The following TRDMT1 variants were observed in gnomAD, a reference collection of about 807,000 sequenced individuals.
The protein encoded by TRDMT1 is tRNA (cytosine(38)-C(5))-methyltransferase.
In TRDMT1, 49 loss-of-function variants were observed where a neutral mutation model predicts 51.2. That is an observed-to-expected ratio of 0.96 (90% CI 0.76 to 1.21). TRDMT1 has a LOEUF of 1.21. Ranked by LOEUF, TRDMT1 falls within the 50% of genes most tolerant of loss-of-function variation. The pLI is 0.00. For missense variants in TRDMT1, 534 were observed against 462.3 expected (o/e 1.16, Z -1.42); for synonymous variants, 187 against 164.6 (o/e 1.14, Z -1.04).
At chr10:17,151,552 G>C in intron 10 of TRDMT1, 1 of 985,608 alleles carries the variant, frequency 1.0e-6, no homozygotes, top group Non-Finnish European at 1.2e-6. Context: ...GTGCTGCTCA[G>C]TGGTGACATC....
chr10:17,164,091 C>T (rs1434214537), intron 3 of TRDMT1, among the ~76,000 whole-genome samples: 3 of 152,274 alleles, frequency 2.0e-5, no homozygotes, highest in South Asian at 4.1e-4. Context: ...ACCAATATCC[C>T]TGATGAACAT....
chr10:17,197,383 T>C (rs1845594841), intron 1 of TRDMT1, among the ~76,000 whole-genome samples: 1 of 152,078 alleles, frequency 6.6e-6, no homozygotes, highest in Admixed American at 6.5e-5. Context: ...TAGATATAAA[T>C]AAAGTTAAAT....
intron 1 of TRDMT1, among the ~76,000 whole-genome samples, chr10:17,185,509 T>G (rs1588651648): frequency 6.6e-6 from 1 of 152,224 alleles, no homozygotes; most frequent in Non-Finnish European, 1.5e-5. Context: ...GGAGTTGGTG[T>G]GGCGATTCCT....
intron 1 of TRDMT1, among the ~76,000 whole-genome samples, chr10:17,191,161 G>A (rs990079958): frequency 1.3e-5 from 2 of 152,148 alleles, no homozygotes; most frequent in Non-Finnish European, 2.9e-5. Flanking sequence ...AGTGAGCAAG[G>A]GGACAGCCAC....
chr10:17,156,871 T>C (rs999363515), intron 8 of TRDMT1, among the ~76,000 whole-genome samples: 1 of 152,152 alleles, frequency 6.6e-6, no homozygotes, highest in East Asian at 1.9e-4. Flanking sequence ...TAAACTGATA[T>C]CATTGGTCAC....
chr10:17,183,991 T>C (rs1212738788), intron 1 of TRDMT1, among the ~76,000 whole-genome samples: 1 of 151,928 alleles, frequency 6.6e-6, no homozygotes, highest in Non-Finnish European at 1.5e-5. Context: ...TCAACAATAA[T>C]CAAAAGAAAA....
At chr10:17,183,734 T>C (rs570610797) in intron 1 of TRDMT1, among the ~76,000 whole-genome samples, 1 of 151,032 alleles carries the variant, frequency 6.6e-6, no homozygotes, top group East Asian at 1.9e-4. Context: ...ACTATTTTTA[T>C]AATTGGCAAA....
chr10:17,153,830 A>G (rs1318238273), intron 9 of TRDMT1, among the ~76,000 whole-genome samples, 194 bp from the exon 10 acceptor site: 2 of 152,226 alleles, frequency 1.3e-5, no homozygotes, highest in African/African-American at 4.8e-5. Flanking sequence ...TTGAAAAGAA[A>G]AAAAGGTTAA....
rs762525300 is a variant in TRDMT1 at position 17,157,629 on chromosome 10, T to A, written c.699A>T (p.Glu233Asp). The A allele has an allele frequency of 6.2e-7, 1 of 1,613,722 alleles. No individual in the cohort carries two copies. Among genetic ancestry groups the A allele is most frequent in the South Asian group, 1.1e-5 (1 of 91,070 alleles). ...TTTTCCTGTGAATTTCTTCTGCAGT[T>A]TCAAGCTTAAAAAGAATGGCATCTT... ...SGKDAILFKLETAEEIHRKNQ... is the reference protein window; with the variant it reads ...SGKDAILFKLDTAEEIHRKNQ... Residue 233 changes from glutamate to aspartate, a missense_variant, in exon 8 of 11, where the codon GAA (glutamate) becomes GAT (aspartate). Coordinates refer to ENST00000377799, the MANE Select transcript of TRDMT1 (RefSeq NM_004412.7).
At position 17,160,288 on chromosome 10, in the gene TRDMT1, A is replaced by G. The variant is rs1226210633; in HGVS notation, c.459+17T>C. 2.1e-6 allele frequency: 3 copies of G among 1,458,000 alleles called. No individual in the cohort carries two copies. The highest frequency in any genetic ancestry group is 2.7e-6 in the Non-Finnish European group (3 of 1,096,684). 90.3% of individuals were successfully genotyped at this position (1,458,000 alleles called of 1,614,324 possible). A position where few individuals can be genotyped will look rare whatever the true frequency, so the allele number is the denominator to read the frequency against. On this transcript the variant is annotated intron_variant, in intron 6 of 10. Coordinates refer to ENST00000377799, the MANE Select transcript of TRDMT1 (RefSeq NM_004412.7). The stretch of plus-strand genomic sequence containing the variant: ...TAAATTATAATTTATATAAGCATTT[A>G]TAACTGTGATACCTACAGAGGTTGG...
At chr10:17,176,045 G>T (rs1303388277) in intron 1 of TRDMT1, among the ~76,000 whole-genome samples, 1 of 152,170 alleles carries the variant, frequency 6.6e-6, no homozygotes, top group African/African-American at 2.4e-5. Flanking sequence ...GTTATAAATT[G>T]TATCTGTTAA....
In TRDMT1 at chr10:17,146,171, T is replaced by C; in HGVS notation, c.*2869A>G. On this transcript the variant is annotated 3_prime_UTR_variant, in exon 11 of 11. Coordinates refer to ENST00000377799, the MANE Select transcript of TRDMT1 (RefSeq NM_004412.7). ...GATAATTTCAAGCAACAGTTTACCC[T>C]CAAATTTCTAAAAAAGTGCTGGGTG... 4.1e-6 allele frequency: 4 copies of C among 985,474 alleles called. No homozygotes were observed. Among genetic ancestry groups the C allele is most frequent in the Non-Finnish European group, 4.8e-6 (4 of 829,926 alleles). The allele number at this position is 985,474 out of a possible 1,614,324, so 61.0% of individuals were successfully genotyped here.
intron 1 of TRDMT1, among the ~76,000 whole-genome samples, chr10:17,175,690 A>G (rs1842541917): frequency 6.8e-6 from 1 of 146,720 alleles, no homozygotes; most frequent in South Asian, 2.1e-4. Context: ...AAAAAAAAAG[A>G]GTGGTGTGAG....
chr10:17,194,513 C>A (rs1289592645), intron 1 of TRDMT1, among the ~76,000 whole-genome samples: 2 of 152,128 alleles, frequency 1.3e-5, no homozygotes, highest in African/African-American at 4.8e-5. Flanking sequence ...TGAACAGATA[C>A]TTCTCAAAAG....
At position 17,146,253 on chromosome 10, in the gene TRDMT1, T is replaced by C. The variant is rs1352139889; in HGVS notation, c.*2787A>G. 1.0e-6 allele frequency: 1 copy of C among 985,318 alleles called. No homozygotes were observed. Among genetic ancestry groups the C allele is most frequent in the Non-Finnish European group, 1.2e-6 (1 of 829,938 alleles). The allele number at this position is 985,318 out of a possible 1,614,324, so 61.0% of individuals were successfully genotyped here. ...TTTTGCCTCTTTAGAAGGCTCTCCT[T>C]TTTGAGGAAGAATAAGTTGGCTGAA... On this transcript the variant is annotated 3_prime_UTR_variant, in exon 11 of 11. Transcript: ENST00000377799.
Position 17,157,646 on chromosome 10 carries a change from T to G in TRDMT1, c.682A>C (p.Ile228Leu). ...GSIQCSGKDA[I>L]LFKLETAEEI... is the part of the protein sequence containing the mutation. ...TCTGCAGTTTCAAGCTTAAAAAGAA[T>G]GGCATCTTTTCCAGAACACTGTATG... Residue 228 changes from isoleucine (I) to leucine (L), a missense_variant, in exon 8 of 11, where the codon ATT (isoleucine) becomes CTT (leucine). Ile to Leu is a conservative substitution (Grantham distance 5). Coordinates refer to ENST00000377799, the MANE Select transcript of TRDMT1 (RefSeq NM_004412.7). 1 of 1,613,698 alleles carries G rather than the reference T, an allele frequency of 6.2e-7. No individual in the cohort carries two copies. Among genetic ancestry groups the G allele is most frequent in the East Asian group, 2.2e-5 (1 of 44,840 alleles).
chr10:17,196,769 T>C (rs527605182), intron 1 of TRDMT1, among the ~76,000 whole-genome samples: 9 of 152,316 alleles, frequency 5.9e-5, no homozygotes, highest in African/African-American at 2.2e-4. Context: ...GCTTCCCTTG[T>C]CTGGCCGTGG....
chr10:17,190,925 A>C (rs1844602636), intron 1 of TRDMT1, among the ~76,000 whole-genome samples: 1 of 152,224 alleles, frequency 6.6e-6, no homozygotes, highest in Non-Finnish European at 1.5e-5. Flanking sequence ...GAAAACTAAA[A>C]ACCAGAGCAA....
At chr10:17,178,034 A>G (rs972930485) in intron 1 of TRDMT1, among the ~76,000 whole-genome samples, 2 of 152,234 alleles carry the variant, frequency 1.3e-5, no homozygotes, top group African/African-American at 4.8e-5. Flanking sequence ...GACCTTGAGA[A>G]AGAAAATTAA....
Sources: allele counts gnomAD v4.1 joint callset (sites outside exome capture counted in the v4.1 genomes callset), GRCh38; gene constraint gnomAD v4.1.1; transcripts MANE v1.5; gene names NCBI Gene and HGNC (gene_info 2026-07-23, HGNC 2026-07-21).